The following KHDRBS2 variants were observed in gnomAD, a reference collection of about 807,000 sequenced individuals.
KHDRBS2 encodes the protein KH domain-containing, RNA-binding, signal transduction-associated protein 2.
Under a neutral mutation model 44.3 loss-of-function variants are expected in KHDRBS2, and 26 were observed. That is an observed-to-expected ratio of 0.59 (90% CI 0.43 to 0.81). The LOEUF (loss-of-function observed/expected upper bound fraction) is 0.81, where lower values mean the gene tolerates loss of function less well. KHDRBS2 is among the 40% of genes least tolerant of loss of function. KHDRBS2 has a pLI of 0.00. For missense variants in KHDRBS2, 476 were observed against 433.1 expected (o/e 1.10, Z -0.88); for synonymous variants, 194 against 151.1 (o/e 1.28, Z -2.08).
chr6:61,973,122 A>G (rs1179445341), intron 4 of KHDRBS2, among the ~76,000 whole-genome samples: 1 of 152,242 alleles, frequency 6.6e-6, no homozygotes, highest in Non-Finnish European at 1.5e-5. Flanking sequence ...TGAGAGAGTG[A>G]GACTCTGTCT....
chr6:61,860,109 A>T (rs1274995096), intron 6 of KHDRBS2, among the ~76,000 whole-genome samples: 4 of 151,976 alleles, frequency 2.6e-5, no homozygotes, highest in African/African-American at 9.7e-5. Flanking sequence ...TAACCCACAG[A>T]TCTAGTCAAT....
intron 6 of KHDRBS2, among the ~76,000 whole-genome samples, chr6:61,844,796 C>T (rs1385204630): frequency 6.6e-6 from 1 of 152,070 alleles, no homozygotes; most frequent in Non-Finnish European, 1.5e-5. Flanking sequence ...TTATATTCTG[C>T]CGTACATTTT....
intron 1 of KHDRBS2, among the ~76,000 whole-genome samples, chr6:62,185,433 T>C (rs1006372318): frequency 3.9e-5 from 6 of 151,990 alleles, no homozygotes; most frequent in African/African-American, 1.4e-4. Flanking sequence ...CATAGTTTAG[T>C]GAATACTGGT....
intron 6 of KHDRBS2, among the ~76,000 whole-genome samples, chr6:61,784,552 C>T (rs1783492540): frequency 6.6e-6 from 1 of 151,968 alleles, no homozygotes; most frequent in South Asian, 2.1e-4. Context: ...GTATGAAATA[C>T]ATCTTCCAAA....
At chr6:61,903,942 C>A (rs1178003964) in intron 4 of KHDRBS2, among the ~76,000 whole-genome samples, 1 of 152,190 alleles carries the variant, frequency 6.6e-6, no homozygotes, top group African/African-American at 2.4e-5. Context: ...CAAGCTGGTG[C>A]AGTCAGAAAA....
intron 2 of KHDRBS2, among the ~76,000 whole-genome samples, chr6:62,154,569 C>T (rs1422969586): frequency 5.3e-5 from 8 of 151,972 alleles, no homozygotes; most frequent in African/African-American, 1.9e-4. Context: ...AAGAAGATTA[C>T]TTCTTAAAAT....
chr6:62,066,914 C>T (rs569550334), intron 2 of KHDRBS2, among the ~76,000 whole-genome samples: 229 of 151,516 alleles, frequency 1.5e-3, no homozygotes, highest in African/African-American at 5.4e-3. Context: ...TTATTGCATA[C>T]CATACAGATA....
chr6:61,778,343 T>G (rs1434436493), intron 6 of KHDRBS2, among the ~76,000 whole-genome samples: 1 of 152,110 alleles, frequency 6.6e-6, no homozygotes, highest in Non-Finnish European at 1.5e-5. Flanking sequence ...ATCTCAGTTA[T>G]AAATCTTTAT....
chr6:62,202,660 G>A (rs1220382134), intron 1 of KHDRBS2, among the ~76,000 whole-genome samples: 1 of 151,966 alleles, frequency 6.6e-6, no homozygotes, highest in Non-Finnish European at 1.5e-5. Flanking sequence ...AGTTCCTTAT[G>A]GTCTGCTTGG....
chr6:62,179,386 G>A (rs1821798980), intron 1 of KHDRBS2, among the ~76,000 whole-genome samples: 1 of 151,644 alleles, frequency 6.6e-6, no homozygotes, highest in Non-Finnish European at 1.5e-5. Flanking sequence ...GTATTAACAA[G>A]CCACTTTAAC....
intron 2 of KHDRBS2, among the ~76,000 whole-genome samples, chr6:62,073,810 C>G (rs1055348448): frequency 2.6e-5 from 4 of 151,652 alleles, no homozygotes; most frequent in South Asian, 2.1e-4. Context: ...AGCTCTTCAC[C>G]AAGATCGACA....
the KHDRBS2 span, among the ~76,000 whole-genome samples, chr6:61,650,065 G>T: frequency 6.6e-6 from 1 of 152,068 alleles, no homozygotes; most frequent in Non-Finnish European, 1.5e-5. Flanking sequence ...AATGACTCAT[G>T]CATGTTCTTT....
chr6:62,102,672 G>A (rs952707001), intron 2 of KHDRBS2, among the ~76,000 whole-genome samples: 1 of 152,102 alleles, frequency 6.6e-6, no homozygotes, highest in Non-Finnish European at 1.5e-5. Context: ...CACATGGGGT[G>A]GCTGCCAGGC....
chr6:61,833,819 A>G (rs1792215592), intron 6 of KHDRBS2, among the ~76,000 whole-genome samples: 1 of 152,146 alleles, frequency 6.6e-6, no homozygotes. Flanking sequence ...AATATCCCTG[A>G]GCAATTCTTA....
intron 1 of KHDRBS2, among the ~76,000 whole-genome samples, chr6:62,211,732 G>A (rs1037244518): frequency 6.6e-6 from 1 of 152,202 alleles, no homozygotes; most frequent in Non-Finnish European, 1.5e-5. Context: ...TTCAACCATT[G>A]TGGAAGACAG....
the KHDRBS2 span, among the ~76,000 whole-genome samples, chr6:61,563,738 A>G: frequency 3.3e-5 from 5 of 152,206 alleles, no homozygotes; most frequent in Non-Finnish European, 7.4e-5. Context: ...ATTAAGATAT[A>G]TTCTAAAGAT....
intron 7 of KHDRBS2, among the ~76,000 whole-genome samples, chr6:61,725,364 C>T (rs1330849539): frequency 6.6e-6 from 1 of 151,906 alleles, no homozygotes; most frequent in African/African-American, 2.4e-5. Flanking sequence ...AAGTTAACAA[C>T]CTAACATCTC....
intron 4 of KHDRBS2, among the ~76,000 whole-genome samples, chr6:61,943,016 G>GAA (rs1812455509): frequency 7.2e-6 from 1 of 139,706 alleles, no homozygotes; most frequent in Non-Finnish European, 1.5e-5. Flanking sequence ...GAGAGAGAGA[G>GAA]AGAAAGGAAG....
the KHDRBS2 span, among the ~76,000 whole-genome samples, chr6:61,558,705 T>C: frequency 6.6e-6 from 1 of 152,214 alleles, no homozygotes; most frequent in African/African-American, 2.4e-5. Context: ...ATTTTTAATT[T>C]CCATTTGTTT....
Sources: allele counts gnomAD v4.1 joint callset (sites outside exome capture counted in the v4.1 genomes callset), GRCh38; gene constraint gnomAD v4.1.1; transcripts MANE v1.5; gene names NCBI Gene and HGNC (gene_info 2026-07-23, HGNC 2026-07-21).